Variants in SPINT3 observed in about 807,000 individuals in gnomAD.
The protein encoded by SPINT3 is serine peptidase inhibitor, Kunitz type 3.
In SPINT3, 4 loss-of-function variants were observed where a neutral mutation model predicts 3.3. The observed-to-expected ratio is 1.22, with a 90% CI of 0.60 to 2.79. The LOEUF (loss-of-function observed/expected upper bound fraction) is 2.79. Ranked by LOEUF, SPINT3 falls within the 30% of genes most tolerant of loss-of-function variation. The pLI, the probability that SPINT3 is intolerant of heterozygous loss-of-function variation, is 0.01. For synonymous variants in SPINT3, 30 were observed against 38.6 expected (o/e 0.78, Z 0.83); for missense variants, 97 against 104.3 (o/e 0.93, Z 0.31).
intron 1 of SPINT3, among the ~76,000 whole-genome samples, chr20:45,515,203 G>A (rs1978838472): frequency 6.6e-6 from 1 of 152,056 alleles, no homozygotes; most frequent in African/African-American, 2.4e-5. Flanking sequence ...AGACATTGAA[G>A]GCCCCTTTTC....
chr20:45,515,471 A>ACCACCCCCCCCC, intron 1 of SPINT3, 62 bp downstream of exon 1: 1 of 1,008,486 alleles, frequency 9.9e-7, no homozygotes, highest in Non-Finnish European at 1.4e-6. Context: ...CACCTCCCCC[A>ACCACCCCCCCCC]CCACCCCGCC....
rs144251115 is a variant in SPINT3, at chr20:45,514,873, G to A, written c.76+660C>T. On this transcript the variant is annotated intron_variant, in intron 1 of 1. Coordinates refer to ENST00000217428, the MANE Select transcript of SPINT3 (RefSeq NM_006652.2). ...CATTGACAGTGATAATCTCCAGAGG[G>A]TAAGATTTTGATAATTTTTCACCTT... 2.6e-4 allele frequency among the ~76,000 whole-genome samples: 39 copies of A among 152,292 alleles called. 1 individual carries two copies. The East Asian group carries it at 7.1e-3, about 28-fold the overall frequency.
intron 1 of SPINT3, among the ~76,000 whole-genome samples, chr20:45,514,162 GC>G (rs1978812260): frequency 6.6e-6 from 1 of 152,186 alleles, no homozygotes; most frequent in African/African-American, 2.4e-5. Flanking sequence ...CTCTGTAGGG[GC>G]TGGAGTCCCA....
rs1458846292 is a variant in SPINT3 at position 45,512,602 on chromosome 20, C to T, written c.*49G>A. The T allele has an allele frequency of 1.3e-6, 2 of 1,518,366 alleles. No individual in the cohort carries two copies. Among genetic ancestry groups the T allele is most frequent in the African/African-American group, 1.4e-5 (1 of 72,062 alleles). 94.1% of individuals were successfully genotyped at this position (1,518,366 alleles called of 1,614,324 possible). ...ACACACACGCAAATGCCTTCTATGG[C>T]CCTCAGAGCAATCCCGAATCCATGG... On this transcript the variant is annotated 3_prime_UTR_variant, in exon 2 of 2. Coordinates refer to ENST00000217428, the MANE Select transcript of SPINT3 (RefSeq NM_006652.2).
At chr20:45,514,065 C>T (rs1049880270) in intron 1 of SPINT3, among the ~76,000 whole-genome samples, 1 of 152,178 alleles carries the variant, frequency 6.6e-6, no homozygotes, top group Non-Finnish European at 1.5e-5. Flanking sequence ...GGCAGAATAG[C>T]TTATTCAATC....
chr20:45,513,823 A>G (rs905617582), intron 1 of SPINT3, among the ~76,000 whole-genome samples: 1 of 152,252 alleles, frequency 6.6e-6, no homozygotes, highest in Non-Finnish European at 1.5e-5. Flanking sequence ...TACCTGTCCT[A>G]ATGTCAGGCT....
intron 1 of SPINT3, among the ~76,000 whole-genome samples, chr20:45,514,977 G>T (rs1978832973): frequency 6.6e-6 from 1 of 152,110 alleles, no homozygotes; most frequent in African/African-American, 2.4e-5. Context: ...CTTGGAAACT[G>T]CTGCCTACCA....
At position 45,512,739 on chromosome 20, in the gene SPINT3, C is replaced by A. The variant is rs1386065260; in HGVS notation, c.182G>T (p.Cys61Phe). Residue 61 changes from cysteine to phenylalanine, a missense_variant, in exon 2 of 2, where the codon TGT (cysteine) becomes TTT (phenylalanine). By Grantham distance (205) the Cys-to-Phe change is radical. Transcript: ENST00000217428. Reference protein sequence around the residue: ...RWFFNFETGECELFAYGGCGG... With the variant: ...RWFFNFETGEFELFAYGGCGG... ...GCAGCCTCCGTAAGCAAATAACTCA[C>A]ATTCACCAGTTTCAAAGTTGAAAAA... 3.0e-5 allele frequency: 46 copies of A among 1,551,622 alleles called. No individual in the cohort carries two copies. Among genetic ancestry groups the A allele is most frequent in the Non-Finnish European group, 3.9e-5 (45 of 1,146,998 alleles).
intron 1 of SPINT3, among the ~76,000 whole-genome samples, chr20:45,515,229 C>T (rs1160616973): frequency 6.6e-6 from 1 of 152,162 alleles, no homozygotes; most frequent in Non-Finnish European, 1.5e-5. Flanking sequence ...TTACTTATTT[C>T]ATTTTCTATA....
chr20:45,515,440 T>C, intron 1 of SPINT3, 93 bp downstream of exon 1: 1 of 1,037,520 alleles, frequency 9.6e-7, no homozygotes, highest in South Asian at 1.4e-5. Flanking sequence ...AGGTAAGAAA[T>C]GGGCTCTGTT....
intron 1 of SPINT3, among the ~76,000 whole-genome samples, chr20:45,514,314 C>G (rs1171414088): frequency 6.6e-6 from 1 of 152,138 alleles, no homozygotes; most frequent in Non-Finnish European, 1.5e-5. Context: ...AGAAGCTGTT[C>G]TAAGTGCTTT....
At chr20:45,513,078 T>C (rs1003861967) in intron 1 of SPINT3, among the ~76,000 whole-genome samples, 2 of 152,250 alleles carry the variant, frequency 1.3e-5, no homozygotes, top group African/African-American at 2.4e-5. Flanking sequence ...ATAACTCAAG[T>C]GGATTGAGAT....
chr20:45,515,170 T>C (rs897128498), intron 1 of SPINT3, among the ~76,000 whole-genome samples: 1 of 152,164 alleles, frequency 6.6e-6, no homozygotes, highest in African/African-American at 2.4e-5. Flanking sequence ...CAACCTCTCC[T>C]TGCCTGCCAC....
intron 1 of SPINT3, 48 bp downstream of exon 1, chr20:45,515,485 C>G (rs1568980510): frequency 3.4e-6 from 5 of 1,482,062 alleles, no homozygotes; most frequent in Non-Finnish European, 3.7e-6. Context: ...CCCCGCCCCC[C>G]AGCCTGATTC....
chr20:45,514,989 C>A (rs759607085), intron 1 of SPINT3, among the ~76,000 whole-genome samples: 24 of 152,292 alleles, frequency 1.6e-4, no homozygotes, highest in South Asian at 1.5e-3. Context: ...TGCCTACCAT[C>A]CCCATTTCCA....
Position 45,512,664 on chromosome 20 carries a change from C to A in SPINT3, c.257G>T (p.Cys86Phe). Residue 86 changes from cysteine (C) to phenylalanine (F), a missense_variant, in exon 2 of 2, where the codon TGC becomes TTC. Physicochemically the swap from Cys to Phe is radical, Grantham distance 205. Coordinates refer to ENST00000217428, the MANE Select transcript of SPINT3 (RefSeq NM_006652.2). ...CTTGTTAGAAAATCAGGTGAACTTGCAGAATTTCTCACATTTTTCTTTCCT... is the reference window on the plus strand; with the variant it reads ...CTTGTTAGAAAATCAGGTGAACTTGAAGAATTTCTCACATTTTTCTTTCCT... ...FLRKEKCEKF[C>F]KFT 1 of 1,551,554 alleles carries A rather than the reference C, an allele frequency of 6.4e-7. No homozygotes were observed. The highest frequency in any genetic ancestry group is 8.7e-7 in the Non-Finnish European group (1 of 1,146,926).
At chr20:45,514,858 G>A (rs1978828973) in intron 1 of SPINT3, among the ~76,000 whole-genome samples, 1 of 152,188 alleles carries the variant, frequency 6.6e-6, no homozygotes, top group Non-Finnish European at 1.5e-5. Flanking sequence ...CATTGACAGT[G>A]ATAATCTCCA....
chr20:45,514,198 G>T (rs1228750136), intron 1 of SPINT3, among the ~76,000 whole-genome samples: 1 of 152,128 alleles, frequency 6.6e-6, no homozygotes, highest in Admixed American at 6.6e-5. Flanking sequence ...TCTCAGTCTT[G>T]CTTCTCTGCT....
intron 1 of SPINT3, among the ~76,000 whole-genome samples, 192 bp downstream of exon 1, chr20:45,515,341 C>T (rs1978843965): frequency 6.6e-6 from 1 of 152,208 alleles, no homozygotes; most frequent in South Asian, 2.1e-4. Flanking sequence ...GCTTTAACCT[C>T]AGCACCTAGG....
Sources: allele counts gnomAD v4.1 joint callset (sites outside exome capture counted in the v4.1 genomes callset), GRCh38; gene constraint gnomAD v4.1.1; transcripts MANE v1.5; gene names NCBI Gene and HGNC (gene_info 2026-07-23, HGNC 2026-07-21).